Variants in CCSER1 observed in about 807,000 individuals in gnomAD.
The protein encoded by CCSER1 is coiled-coil serine rich protein 1, also known as serine-rich coiled-coil domain-containing protein 1.
A neutral mutation model predicts 82.0 loss-of-function variants in CCSER1; 41 were observed. That is an observed-to-expected ratio of 0.50 (90% CI 0.39 to 0.65). The LOEUF is 0.65. CCSER1 is among the 30% of genes least tolerant of loss of function. The pLI is 0.00. For synonymous variants in CCSER1, 414 were observed against 383.9 expected (o/e 1.08, Z -0.92); for missense variants, 1,119 against 1,064.2 (o/e 1.05, Z -0.72).
intron 6 of CCSER1, among the ~76,000 whole-genome samples, chr4:90,717,314 A>G (rs1453732885): frequency 6.6e-6 from 1 of 152,180 alleles, no homozygotes; most frequent in Non-Finnish European, 1.5e-5. Context: ...ACTGGATGCT[A>G]GGAAGGCAAA....
chr4:91,011,516 T>C lies in CCSER1; in HGVS notation c.2173-74434T>C, dbSNP rs1739003657. Among the ~76,000 whole-genome samples the C allele has an allele frequency of 1.5e-5, 2 of 133,958 alleles. 1 individual carries two copies. Among genetic ancestry groups the C allele is most frequent in the Non-Finnish European group, 3.5e-5 (2 of 57,636 alleles). The allele number at this position is 133,958 out of a possible 152,430, so 87.9% of individuals were successfully genotyped here. A position where few individuals can be genotyped will look rare whatever the true frequency, so the allele number is the denominator to read the frequency against. ...CTTGGGCTGTAGATTCCCTCTCTGA[T>C]GCAGAGTTGAATGTAGATTCTTCAC... On this transcript the variant is annotated intron_variant, in intron 9 of 10. Coordinates refer to ENST00000509176, the MANE Select transcript of CCSER1 (RefSeq NM_001145065.2).
Position 91,181,569 on chromosome 4 carries a change from C to T in CCSER1, c.2217+95575C>T, listed in dbSNP as rs115313082. ...CCAGATAATAGGAACTTTTGCCATA[C>T]TTCTCATCATTTCTACCATCTGACC... On this transcript the variant is annotated intron_variant, in intron 10 of 10. Coordinates refer to ENST00000509176, the MANE Select transcript of CCSER1 (RefSeq NM_001145065.2). Among the ~76,000 whole-genome samples, 972 of 152,280 alleles carry T rather than the reference C, an allele frequency of 6.4e-3. 8 individuals carry two copies. Among genetic ancestry groups the T allele is most frequent in the African/African-American group, 0.022 (911 of 41,554 alleles).
chr4:90,726,229 T>C (rs1743616729), intron 7 of CCSER1, among the ~76,000 whole-genome samples: 1 of 152,020 alleles, frequency 6.6e-6, no homozygotes, highest in African/African-American at 2.4e-5. Context: ...TTTATCAAGG[T>C]GCATACTTTT....
Position 90,692,229 on chromosome 4 carries a change from C to T in CCSER1, c.1933-31685C>T, listed in dbSNP as rs142375242. Among the ~76,000 whole-genome samples, 401 of 151,472 alleles carry T rather than the reference C, an allele frequency of 2.6e-3. 3 individuals are homozygous for T. The highest frequency in any genetic ancestry group is 4.1e-3 in the Non-Finnish European group (279 of 67,776). ...TCTTTTATTTATAGACAGTTTGTCC[C>T]GTTCAATAGCTGGTCTGTGTTATGT... is the stretch of plus-strand genomic sequence containing the variant. On this transcript the variant is annotated intron_variant, in intron 6 of 10. Coordinates refer to ENST00000509176, the MANE Select transcript of CCSER1 (RefSeq NM_001145065.2).
intron 5 of CCSER1, among the ~76,000 whole-genome samples, chr4:90,498,146 T>A (rs1423028574): frequency 6.6e-6 from 1 of 152,144 alleles, no homozygotes; most frequent in East Asian, 1.9e-4. Context: ...TGCTATGTTT[T>A]TGCCTATACA....
chr4:90,555,298 G>A (rs1777997577), intron 5 of CCSER1, among the ~76,000 whole-genome samples: 1 of 151,920 alleles, frequency 6.6e-6, no homozygotes, highest in African/African-American at 2.4e-5. Context: ...CCCAGTAGTA[G>A]AATAAAATTA....
At chr4:90,333,190 C>T (rs945459199) in intron 3 of CCSER1, among the ~76,000 whole-genome samples, 1 of 152,078 alleles carries the variant, frequency 6.6e-6, no homozygotes, top group Admixed American at 6.6e-5. Flanking sequence ...CTTTTGATCA[C>T]TTGGTAAAGA....
chr4:91,524,339 A>C (rs1172303233), intron 10 of CCSER1, among the ~76,000 whole-genome samples: 1 of 152,226 alleles, frequency 6.6e-6, no homozygotes, highest in Admixed American at 6.5e-5. Flanking sequence ...TAAGTTAGTC[A>C]TAAGTAAAAA....
chr4:90,730,068 C>A (rs1011555119), intron 7 of CCSER1, among the ~76,000 whole-genome samples: 3 of 152,084 alleles, frequency 2.0e-5, no homozygotes, highest in Non-Finnish European at 4.4e-5. Context: ...GGGAAACACC[C>A]ATTGTGAACA....
At chr4:90,781,795 G>T (rs2149613179) in intron 7 of CCSER1, 2 of 960,784 alleles carry the variant, frequency 2.1e-6, no homozygotes, top group South Asian at 9.6e-5. Flanking sequence ...TGGCTTTTTT[G>T]ATAACTTTTA....
chr4:90,655,832 T>G (rs987376878), intron 6 of CCSER1, among the ~76,000 whole-genome samples: 4 of 151,956 alleles, frequency 2.6e-5, no homozygotes, highest in Non-Finnish European at 5.9e-5. Flanking sequence ...TAATCTTATA[T>G]TATCTGACAA....
At chr4:91,032,681 C>G (rs1741088631) in intron 9 of CCSER1, among the ~76,000 whole-genome samples, 1 of 152,112 alleles carries the variant, frequency 6.6e-6, no homozygotes, top group African/African-American at 2.4e-5. Context: ...AAGATTTTTA[C>G]TTTATGGGGA....
intron 10 of CCSER1, among the ~76,000 whole-genome samples, chr4:91,302,359 G>A (rs1018146933): frequency 1.4e-4 from 21 of 151,900 alleles, no homozygotes; most frequent in Non-Finnish European, 4.4e-5. Flanking sequence ...AGCAAATCTT[G>A]TTAGCTCTAC....
At chr4:91,575,810 G>A (rs566427166) in intron 10 of CCSER1, among the ~76,000 whole-genome samples, 4 of 151,814 alleles carry the variant, frequency 2.6e-5, no homozygotes, top group South Asian at 2.1e-4. Flanking sequence ...AAAATACCTC[G>A]AACATTTTAG....
intron 1 of CCSER1, among the ~76,000 whole-genome samples, chr4:90,197,344 T>C (rs1049038106): frequency 6.6e-6 from 1 of 152,088 alleles, no homozygotes; most frequent in Admixed American, 6.6e-5. Context: ...TATAAGTTAG[T>C]ACAACCACTA....
intron 10 of CCSER1, among the ~76,000 whole-genome samples, chr4:91,245,284 G>A (rs1241425079): frequency 1.3e-5 from 2 of 152,090 alleles, no homozygotes; most frequent in African/African-American, 4.8e-5. Flanking sequence ...CAACATTCAA[G>A]TGTAAGAAGA....
At chr4:90,815,526 A>ATGAGTGTGTGTG (rs1758890475) in intron 7 of CCSER1, among the ~76,000 whole-genome samples, 1 of 150,588 alleles carries the variant, frequency 6.6e-6, no homozygotes, top group South Asian at 2.1e-4. Context: ...GTGTGTGTGG[A>ATGAGTGTGTGTG]TGTGTGTGTG....
At chr4:90,587,443 C>G (rs1263690737) in intron 5 of CCSER1, among the ~76,000 whole-genome samples, 3 of 152,186 alleles carry the variant, frequency 2.0e-5, no homozygotes. Context: ...AACCCCATCT[C>G]TACTAAAAAT....
intron 10 of CCSER1, among the ~76,000 whole-genome samples, chr4:91,198,420 G>T (rs1293070896): frequency 6.6e-6 from 1 of 152,078 alleles, no homozygotes; most frequent in Non-Finnish European, 1.5e-5. Flanking sequence ...TTTCATCAGG[G>T]TTGCAAAACA....
Sources: gnomAD v4.1 joint callset for allele counts (sites outside exome capture counted in the v4.1 genomes callset) on GRCh38, gnomAD v4.1.1 for gene constraint, MANE v1.5 for transcripts, NCBI Gene and HGNC (gene_info 2026-07-23, HGNC 2026-07-21) for gene names.